NEK5: variants seen among roughly 807,000 people sequenced by gnomAD.
NEK5 encodes the protein NIMA related kinase 5, also known as serine/threonine-protein kinase Nek5.
A neutral mutation model predicts 109.2 loss-of-function variants in NEK5; 88 were observed. The observed-to-expected ratio is 0.81, with a 90% confidence interval of 0.68 to 0.96. NEK5 has a LOEUF of 0.96. Ranked by LOEUF, NEK5 falls within the 40% of genes least tolerant of loss-of-function variation. The pLI is 0.00. For synonymous variants in NEK5, 283 were observed against 299.9 expected (o/e 0.94, Z 0.58); for missense variants, 834 against 920.7 (o/e 0.91, Z 1.22).
At chr13:52,092,571 T>G (rs911741607) in intron 13 of NEK5, among the ~76,000 whole-genome samples, 6 of 151,680 alleles carry the variant, frequency 4.0e-5, no homozygotes, top group African/African-American at 1.5e-4. Flanking sequence ...AACAAGCAGG[T>G]ATAGGGCTGA....
chr13:52,056,330 T>A (rs540804965), intron 22 of NEK5, among the ~76,000 whole-genome samples: 43 of 152,210 alleles, frequency 2.8e-4, no homozygotes, highest in African/African-American at 9.9e-4. Context: ...AGACTTAGAC[T>A]CTCACACATT....
chr13:52,060,810 C>T (rs377539536), intron 22 of NEK5, among the ~76,000 whole-genome samples: 23 of 152,308 alleles, frequency 1.5e-4, no homozygotes, highest in African/African-American at 5.1e-4. Flanking sequence ...TAGCACTTCA[C>T]ACTTGAATAT....
intron 22 of NEK5, among the ~76,000 whole-genome samples, chr13:52,060,105 C>A (rs1044328040): frequency 3.3e-5 from 5 of 151,984 alleles, no homozygotes; most frequent in African/African-American, 1.2e-4. Flanking sequence ...TTATCTAGAT[C>A]ATCTCCAAAT....
At chr13:52,100,541 A>G (rs924848116) in intron 11 of NEK5, among the ~76,000 whole-genome samples, 1 of 152,176 alleles carries the variant, frequency 6.6e-6, no homozygotes, top group Non-Finnish European at 1.5e-5. Flanking sequence ...GGACTGAGGT[A>G]TGAGTAGATC....
intron 19 of NEK5, among the ~76,000 whole-genome samples, chr13:52,074,386 A>C (rs1433300169): frequency 6.6e-6 from 1 of 152,200 alleles, no homozygotes; most frequent in Non-Finnish European, 1.5e-5. Flanking sequence ...TGGGGAAAGG[A>C]CTTCCTATCC....
At position 52,102,174 on chromosome 13, in the gene NEK5, G is replaced by A. The variant is rs760161549; in HGVS notation, c.728C>T (p.Ser243Phe). 3 of 1,613,738 alleles carry A rather than the reference G, an allele frequency of 1.9e-6. No individual in the cohort carries two copies. The highest frequency in any genetic ancestry group is 2.7e-5 in the African/African-American group (2 of 74,916). ...ATTTATGGATGGTCGGTCTCGAGGA[G>A]ATACTTGAAAGAGCTGAGATATCAA... is the stretch of plus-strand genomic sequence containing the variant. Reference protein sequence around the residue: ...HSLISQLFQVSPRDRPSINSI... With the variant: ...HSLISQLFQVFPRDRPSINSI... Residue 243 changes from serine (S) to phenylalanine (F), a missense_variant, in exon 10 of 24, where the codon TCT becomes TTT. Around this residue, in one of 2 missense-constraint regions of NEK5, gnomAD observed 777 missense variants for 824.7 expected, o/e 0.94. Transcript: ENST00000684899.
Position 52,093,088 on chromosome 13 carries a change from G to T in NEK5, c.1174C>A (p.Gln392Lys). The change falls in exon 13 of 24, where the codon CAG (glutamine) becomes AAG (lysine). Residue 392 changes from glutamine (Q) to lysine (K), a missense_variant. By Grantham distance (53) the Gln-to-Lys change is moderately conservative. Around this residue, in one of 2 missense-constraint regions of NEK5, gnomAD observed 777 missense variants for 824.7 expected, o/e 0.94. Transcript: ENST00000684899. ...GGGGATGGACCATGCCTCGTTTCCT[G>T]ACCGTAATCCTCAACTCCAGTATTT... ...QENTGVEDYG[Q>K]ETRHGPSPSQ... is the part of the protein sequence containing the mutation. 1.2e-6 allele frequency: 2 copies of T among 1,613,410 alleles called. No homozygotes were observed. The highest frequency in any genetic ancestry group is 1.7e-6 in the Non-Finnish European group (2 of 1,179,518).
chr13:52,106,083 C>G (rs569478764), intron 8 of NEK5, among the ~76,000 whole-genome samples: 30 of 152,194 alleles, frequency 2.0e-4, no homozygotes, highest in African/African-American at 7.2e-4. Flanking sequence ...CTGTGGCATG[C>G]CCTGCTCTGA....
intron 3 of NEK5, among the ~76,000 whole-genome samples, chr13:52,126,088 TGC>T (rs1956059576): frequency 6.6e-6 from 1 of 152,206 alleles, no homozygotes; most frequent in Non-Finnish European, 1.5e-5. Flanking sequence ...TAGTCCATTT[TGC>T]ACACACTTTG....
At chr13:52,106,881 T>C (rs779995203) in intron 8 of NEK5, among the ~76,000 whole-genome samples, 7 of 152,154 alleles carry the variant, frequency 4.6e-5, no homozygotes, top group Non-Finnish European at 8.8e-5. Flanking sequence ...ACTCTCATTA[T>C]TATGAGTTAG....
At chr13:52,082,949 C>T (rs1199790656) in intron 17 of NEK5, among the ~76,000 whole-genome samples, 2 of 152,118 alleles carry the variant, frequency 1.3e-5, no homozygotes, top group East Asian at 3.9e-4. Flanking sequence ...GAGATAAAGA[C>T]CATCCTGGCC....
intron 22 of NEK5, among the ~76,000 whole-genome samples, chr13:52,055,507 C>A (rs1452234338): frequency 2.0e-5 from 3 of 152,114 alleles, no homozygotes; most frequent in African/African-American, 7.2e-5. Flanking sequence ...TCAGATTCAC[C>A]AAAGTTGAAA....
At chr13:52,054,594 G>A (rs1262330522) in intron 22 of NEK5, among the ~76,000 whole-genome samples, 1 of 152,372 alleles carries the variant, frequency 6.6e-6, no homozygotes, top group South Asian at 2.1e-4. Context: ...GCACGCAGCT[G>A]GAGATCTGAG....
chr13:52,054,956 T>C (rs1398103001), intron 22 of NEK5, among the ~76,000 whole-genome samples: 1 of 152,254 alleles, frequency 6.6e-6, no homozygotes, highest in Non-Finnish European at 1.5e-5. Flanking sequence ...GGAGAATGAC[T>C]TTGACAAGCT....
chr13:52,071,357 C>A (rs1954780459), intron 20 of NEK5, among the ~76,000 whole-genome samples: 1 of 152,174 alleles, frequency 6.6e-6, no homozygotes, highest in Non-Finnish European at 1.5e-5. Context: ...TATCTGCACA[C>A]CTTATCAGCA....
intron 3 of NEK5, among the ~76,000 whole-genome samples, chr13:52,123,353 T>C (rs181685046): frequency 4.6e-5 from 7 of 152,244 alleles, no homozygotes; most frequent in Admixed American, 4.6e-4. Context: ...TGATGAAAAA[T>C]TGGTGCTCTA....
At chr13:52,119,483 A>G (rs977198639) in intron 3 of NEK5, 68 bp from the exon 4 acceptor site, 4 of 718,538 alleles carry the variant, frequency 5.6e-6, no homozygotes, top group Non-Finnish European at 9.3e-6. Flanking sequence ...CTTTCTGCTC[A>G]TTTCCATCTA....
At position 52,093,040 on chromosome 13, in the gene NEK5, G is replaced by A. The variant is rs1284688313; in HGVS notation, c.1208+14C>T. The A allele has an allele frequency of 1.9e-6, 3 of 1,574,568 alleles. No homozygotes were observed. In the African/African-American group the frequency reaches 4.0e-5, roughly 21 times the overall value. On this transcript the variant is annotated intron_variant, in intron 13 of 23. Transcript: ENST00000684899. ...TTTAGATTAACCAAAGCTTAAGCTA[G>A]ACCACAATATTACCATTGACTTGGG...
chr13:52,050,031 T>C (rs941363565), intron 23 of NEK5, 73 bp downstream of exon 23: 3 of 473,638 alleles, frequency 6.3e-6, no homozygotes, highest in African/African-American at 2.1e-5. Context: ...GTTGGCTATT[T>C]TGAATGTCTC....
Sources: allele counts gnomAD v4.1 joint callset (sites outside exome capture counted in the v4.1 genomes callset), GRCh38; gene constraint gnomAD v4.1.1; regional missense constraint gnomAD v4.1.1; transcripts MANE v1.5; gene names NCBI Gene and HGNC (gene_info 2026-07-23, HGNC 2026-07-21).